FBXL20: variants seen among roughly 807,000 people sequenced by gnomAD.
FBXL20 encodes F-box and leucine rich repeat protein 20.
A neutral mutation model predicts 64.0 loss-of-function variants in FBXL20; 11 were observed. The observed-to-expected ratio is 0.17, with a 90% CI of 0.11 to 0.28. FBXL20 has a LOEUF of 0.28. Ranked by LOEUF, FBXL20 falls within the 10% of genes least tolerant of loss-of-function variation. The pLI is 1.00. For synonymous variants in FBXL20, 184 were observed against 189.0 expected, an observed-to-expected ratio of 0.97 and a Z score of 0.22; for missense variants, 303 against 526.2, an observed-to-expected ratio of 0.58 and a Z score of 4.15.
At chr17:39,268,540 AT>A (rs2046812213) in intron 12 of FBXL20, among the ~76,000 whole-genome samples, 1 of 152,158 alleles carries the variant, frequency 6.6e-6, no homozygotes, top group Non-Finnish European at 1.5e-5. Flanking sequence ...ATTTACTAGC[AT>A]CATAACTCTA....
intron 10 of FBXL20, among the ~76,000 whole-genome samples, chr17:39,273,174 C>T (rs1297711048): frequency 6.6e-6 from 1 of 152,020 alleles, no homozygotes; most frequent in Non-Finnish European, 1.5e-5. Context: ...TGGGCCACCA[C>T]GCCTGTAATT....
intron 6 of FBXL20, among the ~76,000 whole-genome samples, chr17:39,291,339 T>C (rs2047036530): frequency 1.3e-5 from 2 of 151,978 alleles, no homozygotes; most frequent in Non-Finnish European, 1.5e-5. Context: ...TATTTTTTTC[T>C]TCCTTTTTGG....
intron 11 of FBXL20, among the ~76,000 whole-genome samples, chr17:39,269,263 G>C (rs542323276): frequency 1.3e-5 from 2 of 151,666 alleles, no homozygotes; most frequent in Non-Finnish European, 2.9e-5. Flanking sequence ...GCATGATCTC[G>C]GCTCACGGCA....
intron 2 of FBXL20, among the ~76,000 whole-genome samples, chr17:39,316,315 AT>A (rs1415352220): frequency 6.6e-6 from 1 of 151,384 alleles, no homozygotes; most frequent in African/African-American, 2.4e-5. Flanking sequence ...ACACACACAC[AT>A]TTTTTTCTTT....
intron 1 of FBXL20, among the ~76,000 whole-genome samples, chr17:39,365,574 G>A (rs1473780350): frequency 6.6e-6 from 1 of 152,166 alleles, no homozygotes; most frequent in Non-Finnish European, 1.5e-5. Context: ...TTTCTTTTAT[G>A]CTGACTTCTG....
Position 39,322,949 on chromosome 17 carries a change from C to T in FBXL20, c.105-19310G>A, listed in dbSNP as rs1448585571. Among the ~76,000 whole-genome samples the T allele has an allele frequency of 5.3e-5, 8 of 149,862 alleles. No individual in the cohort carries two copies. The South Asian group carries it at 1.5e-3, about 28-fold the overall frequency. ...CCTCTCAAGTAGCTAGGACTACAGG[C>T]ACCAGCCACCACGCCCAGCTAATTT... is the stretch of plus-strand genomic sequence containing the variant. On this transcript the variant is annotated intron_variant, in intron 2 of 14. Coordinates refer to ENST00000264658, the MANE Select transcript of FBXL20 (RefSeq NM_032875.3).
chr17:39,395,194 G>A lies in FBXL20; in HGVS notation c.42+6167C>T, dbSNP rs374629700. 8.1e-4 allele frequency among the ~76,000 whole-genome samples: 124 copies of A among 152,288 alleles called. 2 individuals are homozygous for A. The highest frequency in any genetic ancestry group is 2.9e-3 in the African/African-American group (119 of 41,554). ...AATTCCAGCACTTTGGGAGGCCGAG[G>A]TGGGCAGATCACCTGAGGTCAGAAG... is the stretch of plus-strand genomic sequence containing the variant. On this transcript the variant is annotated intron_variant, in intron 1 of 14. Transcript: ENST00000264658.
intron 2 of FBXL20, among the ~76,000 whole-genome samples, chr17:39,315,870 A>AGAGAGAGAGAGC (rs1267884348): frequency 4.5e-4 from 63 of 139,388 alleles, no homozygotes; most frequent in Non-Finnish European, 6.5e-4. Flanking sequence ...AGAGAGAGAG[A>AGAGAGAGAGAGC]GCAACTGTAG....
chr17:39,363,818 AAAAAAAAAC>A (rs2047826036), intron 1 of FBXL20, among the ~76,000 whole-genome samples: 4 of 139,932 alleles, frequency 2.9e-5, no homozygotes, highest in African/African-American at 8.6e-5. Flanking sequence ...CTCAAAAAAA[AAAAAAAAAC>A]AAAAAACAAA....
intron 1 of FBXL20, among the ~76,000 whole-genome samples, chr17:39,397,690 C>G (rs1170411780): frequency 6.6e-6 from 1 of 152,026 alleles, no homozygotes; most frequent in Non-Finnish European, 1.5e-5. Context: ...GTAATCACAC[C>G]TGTAATTCTA....
At chr17:39,312,177 G>A (rs1433960763) in intron 2 of FBXL20, among the ~76,000 whole-genome samples, 2 of 152,182 alleles carry the variant, frequency 1.3e-5, no homozygotes, top group East Asian at 1.9e-4. Context: ...AGCACTTTAG[G>A]AGGCCGAGGC....
At chr17:39,354,301 T>C (rs911846935) in intron 1 of FBXL20, among the ~76,000 whole-genome samples, 1 of 152,234 alleles carries the variant, frequency 6.6e-6, no homozygotes, top group African/African-American at 2.4e-5. Flanking sequence ...CTTGCTTTTT[T>C]GTTCATGCTA....
intron 7 of FBXL20, among the ~76,000 whole-genome samples, chr17:39,283,597 G>C (rs980754229): frequency 2.6e-5 from 4 of 151,892 alleles, no homozygotes; most frequent in African/African-American, 9.7e-5. Context: ...TTTTGAAACG[G>C]GGATATTCAA....
At chr17:39,349,324 CAAAAAAAAAAAA>C (rs1170336581) in intron 1 of FBXL20, among the ~76,000 whole-genome samples, 6 of 40,528 alleles carry the variant, frequency 1.5e-4, no homozygotes, top group East Asian at 1.1e-3. Context: ...GATTCCATCT[CAAAAAAAAAAAA>C]AAAAAAAAAA....
chr17:39,395,540 A>G (rs946312283), intron 1 of FBXL20, among the ~76,000 whole-genome samples: 12 of 152,240 alleles, frequency 7.9e-5, no homozygotes, highest in Admixed American at 2.0e-4. Flanking sequence ...GGCCTTTGCT[A>G]TGTATTTTCT....
chr17:39,305,571 T>C lies in FBXL20; in HGVS notation c.105-1932A>G, dbSNP rs1205039567. 2.0e-5 allele frequency among the ~76,000 whole-genome samples: 3 copies of C among 152,200 alleles called. No individual in the cohort carries two copies. In the South Asian group the frequency reaches 6.2e-4, roughly 32 times the overall value. On this transcript the variant is annotated intron_variant, in intron 2 of 14. Transcript: ENST00000264658. Reference sequence around the variant, plus strand: ...AGAAAAGAAAAAACATAGCTTTGGCTAGGCATGATGGCTAAAACCTGTAAT... The same window carrying C: ...AGAAAAGAAAAAACATAGCTTTGGCCAGGCATGATGGCTAAAACCTGTAAT...
rs10568875 is a variant in FBXL20 at position 39,295,784 on chromosome 17, GATATATATATAT to G, written c.398+1331_398+1342del. On this transcript the variant is annotated intron_variant, in intron 6 of 14. Transcript: ENST00000264658. ...CTTTTTGAAAATATGCAAATATGGA[GATATATATATAT>G]ATATATATATTAAGTCTTCTGGCCC... 3.0e-3 allele frequency among the ~76,000 whole-genome samples: 413 copies of G among 137,098 alleles called. 4 individuals are homozygous for G. Among genetic ancestry groups the G allele is most frequent in the African/African-American group, 0.01 (385 of 37,388 alleles). 89.9% of individuals were successfully genotyped at this position (137,098 alleles called of 152,430 possible).
chr17:39,331,232 C>T (rs1326999098), intron 2 of FBXL20, among the ~76,000 whole-genome samples: 2 of 152,208 alleles, frequency 1.3e-5, no homozygotes, highest in African/African-American at 2.4e-5. Flanking sequence ...TCCCAAGTAG[C>T]TGGGATTACA....
In FBXL20 at chr17:39,275,104, A is replaced by G. The variant is rs372188786; in HGVS notation, c.697-4T>C. The stretch of plus-strand genomic sequence containing the variant: ...TGAGACCTTCATCTGTGATTTGCTA[A>G]AAAACAAGAGCAAAAAAATCCATAG... On this transcript the variant is annotated splice_polypyrimidine_tract_variant and splice_region_variant and intron_variant, in intron 9 of 14. Coordinates refer to ENST00000264658, the MANE Select transcript of FBXL20 (RefSeq NM_032875.3). 7 of 1,601,480 alleles carry G rather than the reference A, an allele frequency of 4.4e-6. No homozygotes were observed. Among genetic ancestry groups the G allele is most frequent in the Non-Finnish European group, 5.1e-6 (6 of 1,176,062 alleles).
Sources: allele counts gnomAD v4.1 joint callset (sites outside exome capture counted in the v4.1 genomes callset), GRCh38; gene constraint gnomAD v4.1.1; transcripts MANE v1.5; gene names NCBI Gene and HGNC (gene_info 2026-07-23, HGNC 2026-07-21).